The following MPP2 variants were observed in gnomAD, a reference collection of about 807,000 sequenced individuals.
MPP2 encodes the protein MAGUK p55 subfamily member 2.
In MPP2, 42 loss-of-function variants were observed where a neutral mutation model predicts 58.5. The ratio of observed to expected loss-of-function variants is 0.72; its 90% confidence interval spans 0.56 to 0.93. The LOEUF (loss-of-function observed/expected upper bound fraction) is 0.93, where lower values mean the gene tolerates loss of function less well. Among genes scored for constraint, MPP2 ranks in the 40% least tolerant of loss-of-function variants. The pLI, the probability that MPP2 is intolerant of heterozygous loss-of-function variation, is 0.00. For synonymous variants in MPP2, 300 were observed against 307.8 expected (o/e 0.97, Z 0.26); for missense variants, 632 against 760.4 (o/e 0.83, Z 1.99).
chr17:43,886,203 G>T (rs1483876368), intron 3 of MPP2, among the ~76,000 whole-genome samples: 1 of 152,176 alleles, frequency 6.6e-6, no homozygotes, highest in South Asian at 2.1e-4. Flanking sequence ...TATTTAACTG[G>T]TTTGGTTTTC....
chr17:43,900,637 G>C lies in MPP2; in HGVS notation c.32-2257C>G, dbSNP rs940267077. ...CCAGCCAAAGCCTGGCCGGGCTGGGGAAGGCGGGAGTCGAGGAGCGCCCTC... is the reference window on the plus strand; with the variant it reads ...CCAGCCAAAGCCTGGCCGGGCTGGGCAAGGCGGGAGTCGAGGAGCGCCCTC... On this transcript the variant is annotated intron_variant, in intron 2 of 12. Transcript: ENST00000269095. 2.1e-6 allele frequency: 3 copies of C among 1,447,250 alleles called. No homozygotes were observed. The African/African-American group carries it at 4.3e-5, about 21-fold the overall frequency. 89.7% of individuals were successfully genotyped at this position (1,447,250 alleles called of 1,614,324 possible).
rs888198489 is a variant in MPP2, at chr17:43,906,304, G to A, written c.-34+1170C>T. On this transcript the variant is annotated intron_variant, in intron 1 of 12. Coordinates refer to ENST00000269095, the MANE Select transcript of MPP2 (RefSeq NM_005374.5). ...CCCCCACGCCCGTCCAAGCCTCTGA[G>A]AGGGCGGGGCCTGGCTGTGTCCACA... Among the ~76,000 whole-genome samples the A allele has an allele frequency of 3.5e-4, 54 of 152,200 alleles. 1 individual carries two copies. The highest frequency in any genetic ancestry group is 5.9e-5 in the Non-Finnish European group (4 of 68,032).
rs2047933001 is a variant in MPP2 at position 43,898,246 on chromosome 17, C to G, written c.150+16G>C. Reference sequence around the variant, plus strand: ...AAGCACAGTGCCCTTGTGCCCACCTCCCTGGAGCACTGTACCTTGGCCAGG... The same window carrying G: ...AAGCACAGTGCCCTTGTGCCCACCTGCCTGGAGCACTGTACCTTGGCCAGG... On this transcript the variant is annotated intron_variant, in intron 3 of 12. Coordinates refer to ENST00000269095, the MANE Select transcript of MPP2 (RefSeq NM_005374.5). The G allele has an allele frequency of 6.2e-7, 1 of 1,601,650 alleles. No homozygotes were observed. The highest frequency in any genetic ancestry group is 1.3e-5 in the African/African-American group (1 of 74,678).
At chr17:43,883,396 C>T (rs745477715) in intron 3 of MPP2, 41 bp from the exon 4 acceptor site, 3 of 1,589,148 alleles carry the variant, frequency 1.9e-6, no homozygotes, top group Non-Finnish European at 2.6e-6. Context: ...GGAGCTTCCC[C>T]AGGAGCCCTG....
At chr17:43,884,885 C>T (rs1343953090) in intron 3 of MPP2, among the ~76,000 whole-genome samples, 2 of 152,072 alleles carry the variant, frequency 1.3e-5, no homozygotes, top group Non-Finnish European at 2.9e-5. Context: ...TTTGGGAGGC[C>T]AAGGCAGGTG....
intron 3 of MPP2, among the ~76,000 whole-genome samples, chr17:43,887,221 T>G (rs2047406358): frequency 6.6e-6 from 1 of 151,992 alleles, no homozygotes; most frequent in African/African-American, 2.4e-5. Context: ...TGAGCATTTT[T>G]AATCCTCATT....
upstream of MPP2, chr17:43,909,584 C>T: frequency 6.8e-7 from 1 of 1,476,580 alleles, no homozygotes; most frequent in Non-Finnish European, 9.0e-7. Context: ...CATTTAGGAT[C>T]CTCAGGACAG....
chr17:43,901,309 C>G, intron 2 of MPP2: 1 of 985,588 alleles, frequency 1.0e-6, no homozygotes, highest in Non-Finnish European at 1.2e-6. Context: ...AGCTTCTTCC[C>G]CTCCCCCATC....
chr17:43,888,213 G>A (rs1326936963), intron 3 of MPP2, among the ~76,000 whole-genome samples: 2 of 152,094 alleles, frequency 1.3e-5, no homozygotes, highest in African/African-American at 4.8e-5. Flanking sequence ...TCCCAAACAG[G>A]CCAGGGAACA....
intron 3 of MPP2, among the ~76,000 whole-genome samples, chr17:43,897,161 C>A (rs2047879839): frequency 1.3e-5 from 2 of 152,214 alleles, no homozygotes; most frequent in South Asian, 4.1e-4. Flanking sequence ...AAAACACCCA[C>A]ATTTGGCCAT....
rs149942811 is a variant in MPP2 at position 43,880,792 on chromosome 17, C to T, written c.1049G>A (p.Arg350Gln). 18 of 1,613,574 alleles carry T rather than the reference C, an allele frequency of 1.1e-5. No individual in the cohort carries two copies. The highest frequency in any genetic ancestry group is 3.3e-5 in the Admixed American group (2 of 59,962). The change falls in exon 10 of 13, where the codon CGG (arginine) becomes CAG (glutamine). Residue 350 changes from arginine (R) to glutamine (Q), a missense_variant. Physicochemically the swap from Arg to Gln is conservative, Grantham distance 43. Coordinates refer to ENST00000269095, the MANE Select transcript of MPP2 (RefSeq NM_005374.5). The surrounding 1 kb of genome is among the most constrained non-coding windows in gnomAD (Gnocchi z 5.2). ...EEVARMPPFR[R>Q]KTLVLIGAQG... ...AGCCCCAATCAGTACCAGGGTTTTC[C>T]GGCGGAACGGGGGCATGCGGGCCAC... is the stretch of plus-strand genomic sequence containing the variant.
At chr17:43,884,181 T>C (rs1343916819) in intron 3 of MPP2, 20 of 702,008 alleles carry the variant, frequency 2.8e-5, no homozygotes, top group Admixed American at 1.2e-4. Context: ...CATCGATTCA[T>C]TAATACATTA....
chr17:43,886,281 A>G (rs1487988631), intron 3 of MPP2, among the ~76,000 whole-genome samples: 1 of 151,528 alleles, frequency 6.6e-6, no homozygotes, highest in East Asian at 1.9e-4. Flanking sequence ...TTCCTTTATT[A>G]ATTATTATTG....
At chr17:43,894,420 T>A (rs1200663778) in intron 3 of MPP2, among the ~76,000 whole-genome samples, 12 of 10,086 alleles carry the variant, frequency 1.2e-3, no homozygotes, top group African/African-American at 3.6e-3. Context: ...CATCTCAAAA[T>A]ATATATATAT....
At chr17:43,882,793 T>C in intron 5 of MPP2, 110 bp downstream of exon 5, 2 of 1,495,068 alleles carry the variant, frequency 1.3e-6, no homozygotes, top group East Asian at 2.3e-5. Context: ...TGCACAAAGC[T>C]GGCCCCATCT....
At chr17:43,907,729 G>A, upstream of MPP2, 1 of 985,522 alleles carries the variant, frequency 1.0e-6, no homozygotes, top group Non-Finnish European at 1.2e-6. Flanking sequence ...ACGCCCTGCT[G>A]GAGTCCCACT....
rs1330576548 is a variant in MPP2 at position 43,879,881 on chromosome 17, C to T, written c.1254G>A (p.Glu418=). ...ACAGGTTGCCCTCGTATTCGCCATG[C>T]TCCAGGTAGCGCCCAGCACGGACGT... ...EADVRAGRYL[E]HGEYEGNLYG... Residue 418 remains glutamate (E), a synonymous_variant, in exon 11 of 13, where the codon GAG becomes GAA. Coordinates refer to ENST00000269095, the MANE Select transcript of MPP2 (RefSeq NM_005374.5). This position sits in a 1 kb window ranked among gnomAD's most constrained non-coding sequence, Gnocchi z 4.1. 6 of 1,614,044 alleles carry T rather than the reference C, an allele frequency of 3.7e-6. No individual in the cohort carries two copies. Among genetic ancestry groups the T allele is most frequent in the South Asian group, 1.1e-5 (1 of 91,076 alleles).
At chr17:43,895,963 C>T (rs757051203) in intron 3 of MPP2, among the ~76,000 whole-genome samples, 1 of 152,144 alleles carries the variant, frequency 6.6e-6, no homozygotes, top group Admixed American at 6.5e-5. Flanking sequence ...AACAATCTTC[C>T]CAAGTCTTCA....
Position 43,880,200 on chromosome 17 carries a change from A to G in MPP2, c.1151-216T>C, listed in dbSNP as rs1295567466. On this transcript the variant is annotated intron_variant, in intron 10 of 12. Coordinates refer to ENST00000269095, the MANE Select transcript of MPP2 (RefSeq NM_005374.5). The surrounding 1 kb of genome is among the most constrained non-coding windows in gnomAD (Gnocchi z 5.2). The stretch of plus-strand genomic sequence containing the variant: ...AGCTGGTAATCATGGTCCAGCCCAG[A>G]GCCCACAGAAGAGAGGCTGAGGTCC... Among the ~76,000 whole-genome samples, 1 of 152,066 alleles carries G rather than the reference A, an allele frequency of 6.6e-6. No individual in the cohort carries two copies. The highest frequency in any genetic ancestry group is 1.5e-5 in the Non-Finnish European group (1 of 68,006).
Sources: allele counts gnomAD v4.1 joint callset (sites outside exome capture counted in the v4.1 genomes callset), GRCh38; gene constraint gnomAD v4.1.1; non-coding constraint Gnocchi (gnomAD v3.1); transcripts MANE v1.5; gene names NCBI Gene and HGNC (gene_info 2026-07-23, HGNC 2026-07-21).